The following CWC27 variants were observed in gnomAD, a reference collection of about 807,000 sequenced individuals.
CWC27 encodes spliceosome-associated protein CWC27 homolog.
A neutral mutation model predicts 63.6 loss-of-function variants in CWC27; 47 were observed. The observed-to-expected ratio is 0.74, with a 90% CI of 0.58 to 0.94. The LOEUF (loss-of-function observed/expected upper bound fraction) is 0.94, where lower values mean the gene tolerates loss of function less well. CWC27 is among the 40% of genes least tolerant of loss of function. The pLI is 0.00. For missense variants in CWC27, 495 were observed against 554.3 expected (o/e 0.89, Z 1.07); for synonymous variants, 175 against 179.8 (o/e 0.97, Z 0.22).
Position 64,999,917 on chromosome 5 carries a change from T to G in CWC27, c.1257-18242T>G, listed in dbSNP as rs560068440. Reference sequence around the variant, plus strand: ...ACCTTTCTGAGAAACCTCCATACTGTTTTCCATGGTGGCTATACTAATTTA... The same window carrying G: ...ACCTTTCTGAGAAACCTCCATACTGGTTTCCATGGTGGCTATACTAATTTA... On this transcript the variant is annotated intron_variant, in intron 13 of 13. Coordinates refer to ENST00000381070, the MANE Select transcript of CWC27 (RefSeq NM_005869.4). Among the ~76,000 whole-genome samples the G allele has an allele frequency of 9.6e-3, 1,467 of 152,146 alleles. 10 individuals carry two copies. Among genetic ancestry groups the G allele is most frequent in the Non-Finnish European group, 0.016 (1,069 of 67,940 alleles).
At chr5:64,916,874 CAGTAGTAGTATTAGTAGT>C (rs1373980073) in intron 11 of CWC27, among the ~76,000 whole-genome samples, 2 of 139,214 alleles carry the variant, frequency 1.4e-5, no homozygotes, top group Non-Finnish European at 3.1e-5. Flanking sequence ...CTTTTGGTGG[CAGTAGTAGTATTAGTAGT>C]AGTAGTAGTA....
rs777842968 is a variant in CWC27, at chr5:65,001,644, A to G, written c.1257-16515A>G. The stretch of plus-strand genomic sequence containing the variant: ...TTTATTGATTTGTGTATGTTGAACC[A>G]TAACTGCATCCCTGGGATGAATCCC... On this transcript the variant is annotated intron_variant, in intron 13 of 13. Coordinates refer to ENST00000381070, the MANE Select transcript of CWC27 (RefSeq NM_005869.4). Among the ~76,000 whole-genome samples, 6 of 152,158 alleles carry G rather than the reference A, an allele frequency of 3.9e-5. No individual in the cohort carries two copies. The South Asian group carries it at 1.2e-3, about 31-fold the overall frequency.
At chr5:64,968,225 A>G (rs755411857) in intron 11 of CWC27, among the ~76,000 whole-genome samples, 2 of 152,142 alleles carry the variant, frequency 1.3e-5, no homozygotes, top group Non-Finnish European at 2.9e-5. Flanking sequence ...TTAAATGACA[A>G]TACCGATATA....
intron 4 of CWC27, among the ~76,000 whole-genome samples, 157 bp from the exon 5 acceptor site, chr5:64,785,324 G>T (rs1332514841): frequency 6.6e-6 from 1 of 152,058 alleles, no homozygotes. Context: ...TCTCCTTTAA[G>T]ATAAAGTTGC....
At chr5:64,905,804 T>C (rs2112370353) in intron 11 of CWC27, among the ~76,000 whole-genome samples, 1 of 152,116 alleles carries the variant, frequency 6.6e-6, no homozygotes, top group East Asian at 1.9e-4. Flanking sequence ...TGTTAGATAT[T>C]TCTCCTAATG....
At chr5:64,777,688 C>T (rs992232878) in intron 2 of CWC27, among the ~76,000 whole-genome samples, 4 of 151,862 alleles carry the variant, frequency 2.6e-5, no homozygotes, top group South Asian at 2.1e-4. Flanking sequence ...ATATTATGAA[C>T]GTGCATAATG....
At chr5:64,783,781 T>G (rs1743780491) in intron 3 of CWC27, 55 bp from the exon 4 acceptor site, 1 of 1,396,552 alleles carries the variant, frequency 7.2e-7, no homozygotes, top group East Asian at 2.7e-5. Flanking sequence ...GTTGAATAAC[T>G]GCATATGAAG....
At chr5:64,780,719 C>G (rs969230632) in intron 2 of CWC27, among the ~76,000 whole-genome samples, 1 of 132,200 alleles carries the variant, frequency 7.6e-6, no homozygotes, top group African/African-American at 2.8e-5. Context: ...ACACACACAC[C>G]GGAATCATAA....
chr5:64,849,539 C>T (rs1329182340), intron 10 of CWC27, among the ~76,000 whole-genome samples: 3 of 151,954 alleles, frequency 2.0e-5, no homozygotes, highest in African/African-American at 4.8e-5. Flanking sequence ...GTGCTGTTCT[C>T]GTGAAAGAGT....
chr5:64,837,370 C>A (rs1414828200), intron 10 of CWC27, among the ~76,000 whole-genome samples: 1 of 152,022 alleles, frequency 6.6e-6, no homozygotes, highest in Non-Finnish European at 1.5e-5. Flanking sequence ...CAATAGCCTG[C>A]ATAGTTTTAA....
intron 11 of CWC27, among the ~76,000 whole-genome samples, chr5:64,902,223 TTTG>T (rs1747525788): frequency 6.6e-6 from 1 of 152,200 alleles, no homozygotes; most frequent in Non-Finnish European, 1.5e-5. Flanking sequence ...GCAGTGTAGA[TTTG>T]TTTACACCAG....
chr5:64,969,118 G>C (rs1018689425), intron 11 of CWC27, among the ~76,000 whole-genome samples: 11 of 152,202 alleles, frequency 7.2e-5, no homozygotes, highest in African/African-American at 2.7e-4. Flanking sequence ...AAAAGGGACC[G>C]TGTTCAAGAA....
intron 10 of CWC27, among the ~76,000 whole-genome samples, chr5:64,866,254 C>T (rs1330202933): frequency 2.6e-5 from 4 of 151,962 alleles, no homozygotes; most frequent in African/African-American, 9.7e-5. Flanking sequence ...ATTTTTCTCC[C>T]CAAATCATCA....
At chr5:64,769,319 C>A in intron 1 of CWC27, 131 bp downstream of exon 1, 2 of 766,356 alleles carry the variant, frequency 2.6e-6, no homozygotes, top group South Asian at 2.9e-5. Flanking sequence ...TTTACTCCTG[C>A]ATGTGGACAA....
At chr5:64,876,699 T>A (rs1379833309) in intron 10 of CWC27, among the ~76,000 whole-genome samples, 1 of 152,082 alleles carries the variant, frequency 6.6e-6, no homozygotes. Context: ...ATCACCCTTA[T>A]ATTAAAATAA....
rs531462314 is a variant in CWC27, at chr5:64,993,613, G to A, written c.1256+16375G>A. ...GAGTGGACAAGATTACCTTTTCTAT[G>A]TTGGGAATATATAGTCATGGATTCT... On this transcript the variant is annotated intron_variant, in intron 13 of 13. Coordinates refer to ENST00000381070, the MANE Select transcript of CWC27 (RefSeq NM_005869.4). Among the ~76,000 whole-genome samples, 6 of 151,812 alleles carry A rather than the reference G, an allele frequency of 4.0e-5. No homozygotes were observed. In the South Asian group the frequency reaches 1.2e-3, roughly 32 times the overall value.
At chr5:64,824,879 C>G (rs6891515) in intron 10 of CWC27, among the ~76,000 whole-genome samples, 1 of 151,722 alleles carries the variant, frequency 6.6e-6, no homozygotes, top group Non-Finnish European at 1.5e-5. Flanking sequence ...ACTACAGGCA[C>G]GTACCACCAT....
intron 11 of CWC27, among the ~76,000 whole-genome samples, chr5:64,958,007 T>C (rs528590068): frequency 6.6e-6 from 1 of 152,274 alleles, no homozygotes; most frequent in African/African-American, 2.4e-5. Context: ...TAACTGCTAT[T>C]TGAATTATAA....
At chr5:64,839,782 G>A (rs1745753965) in intron 10 of CWC27, among the ~76,000 whole-genome samples, 1 of 152,080 alleles carries the variant, frequency 6.6e-6, no homozygotes, top group African/African-American at 2.4e-5. Context: ...GGAATCTGTG[G>A]CACTTATCTA....
Sources: allele counts gnomAD v4.1 joint callset (sites outside exome capture counted in the v4.1 genomes callset), GRCh38; gene constraint gnomAD v4.1.1; transcripts MANE v1.5; gene names NCBI Gene and HGNC (gene_info 2026-07-23, HGNC 2026-07-21).